CDH13: variants seen among roughly 807,000 people sequenced by gnomAD.
CDH13 encodes the protein cadherin 13.
A neutral mutation model predicts 63.8 loss-of-function variants in CDH13; 24 were observed. The ratio of observed to expected loss-of-function variants is 0.38; its 90% CI spans 0.27 to 0.53. The LOEUF (loss-of-function observed/expected upper bound fraction) is 0.53, where lower values mean the gene tolerates loss of function less well. Ranked by LOEUF, CDH13 falls within the 20% of genes least tolerant of loss-of-function variation. The probability of loss-of-function intolerance (pLI) is 0.85; values close to 1 mark genes in which losing one functional copy is unlikely to be tolerated. For synonymous variants in CDH13, 503 were observed against 355.3 expected, an observed-to-expected ratio of 1.42 and a Z score of -4.67; for missense variants, 1,049 against 903.1, an observed-to-expected ratio of 1.16 and a Z score of -2.07.
intron 7 of CDH13, among the ~76,000 whole-genome samples, chr16:83,566,544 C>A (rs1024407474): frequency 6.6e-6 from 1 of 152,074 alleles, no homozygotes; most frequent in Admixed American, 6.6e-5. Flanking sequence ...CTCTCTCCAT[C>A]CAGGTGCAGC....
intron 3 of CDH13, among the ~76,000 whole-genome samples, chr16:83,041,947 A>G (rs1597206894): frequency 6.6e-6 from 1 of 152,172 alleles, no homozygotes; most frequent in Admixed American, 6.5e-5. Context: ...GTAAGTTGCT[A>G]TCACTTCTAT....
chr16:83,463,759 C>G (rs1445994324), intron 6 of CDH13, among the ~76,000 whole-genome samples: 1 of 152,152 alleles, frequency 6.6e-6, no homozygotes, highest in African/African-American at 2.4e-5. Flanking sequence ...GAGCTATGAT[C>G]ACATCTCTGC....
intron 2 of CDH13, among the ~76,000 whole-genome samples, chr16:82,923,087 A>G (rs1417977908): frequency 6.6e-6 from 1 of 152,232 alleles, no homozygotes; most frequent in Non-Finnish European, 1.5e-5. Context: ...GACTCAAAGA[A>G]CACATGTTTT....
At chr16:83,127,959 C>T (rs1301331906) in intron 4 of CDH13, among the ~76,000 whole-genome samples, 6 of 152,172 alleles carry the variant, frequency 3.9e-5, no homozygotes, top group African/African-American at 1.4e-4. Flanking sequence ...TGATCCTTTT[C>T]TAGACAGGTT....
intron 11 of CDH13, among the ~76,000 whole-genome samples, chr16:83,767,042 C>T (rs1402448691): frequency 2.0e-5 from 3 of 152,142 alleles, no homozygotes; most frequent in Non-Finnish European, 4.4e-5. Context: ...TACCCAGTCT[C>T]GGGCAATTCT....
chr16:83,228,615 C>T (rs189440576), intron 5 of CDH13, among the ~76,000 whole-genome samples: 26 of 152,218 alleles, frequency 1.7e-4, no homozygotes, highest in African/African-American at 5.3e-4. Context: ...GACAGAGACG[C>T]GGACGGGGCA....
intron 3 of CDH13, among the ~76,000 whole-genome samples, chr16:83,078,758 T>A (rs2033028056): frequency 6.6e-6 from 1 of 152,178 alleles, no homozygotes; most frequent in Non-Finnish European, 1.5e-5. Context: ...CTTCCAAGTG[T>A]TTAGCCTCCA....
intron 5 of CDH13, among the ~76,000 whole-genome samples, chr16:83,268,260 T>C (rs1305648555): frequency 1.3e-5 from 2 of 152,164 alleles, no homozygotes; most frequent in Non-Finnish European, 2.9e-5. Flanking sequence ...CTTCACAATA[T>C]GTAGGAGAGG....
rs71146081 is a variant in CDH13 at position 82,627,337 on chromosome 16, CGTGTGTGTGTGTGTGTGTGTGT to C, written c.45+223_45+244del. Reference sequence around the variant, plus strand: ...ACACACAGGCTCCCACTCTGGCGTGCGTGTGTGTGTGTGTGTGTGTGTGTGTGTGTGTGTGTGTGTGTGTACG... The same window carrying C: ...ACACACAGGCTCCCACTCTGGCGTGCGTGTGTGTGTGTGTGTGTGTGTACG... On this transcript the variant is annotated intron_variant, in intron 1 of 13. Transcript: ENST00000567109. Among the ~76,000 whole-genome samples, 7 of 131,254 alleles carry C rather than the reference CGTGTGTGTGTGTGTGTGTGTGT, an allele frequency of 5.3e-5. No homozygotes were observed. The East Asian group carries it at 9.1e-4, about 17-fold the overall frequency. 86.1% of individuals were successfully genotyped at this position (131,254 alleles called of 152,430 possible). A position where few individuals can be genotyped will look rare whatever the true frequency, so the allele number is the denominator to read the frequency against.
chr16:83,463,487 C>T (rs2151528039), intron 6 of CDH13, among the ~76,000 whole-genome samples: 1 of 152,278 alleles, frequency 6.6e-6, no homozygotes, highest in African/African-American at 2.4e-5. Context: ...TACACACAGG[C>T]TCTTGAAGCT....
rs544320314 is a variant in CDH13 at position 83,571,913 on chromosome 16, G to C, written c.961-30541G>C. Among the ~76,000 whole-genome samples, 5 of 152,224 alleles carry C rather than the reference G, an allele frequency of 3.3e-5. No homozygotes were observed. In the East Asian group the frequency reaches 9.7e-4, roughly 30 times the overall value. ...ACAGAACTTAGCAGTCGCTCTGCAT[G>C]GGGACAGATCCTGGCTCTGTCATTT... On this transcript the variant is annotated intron_variant, in intron 7 of 13. Transcript: ENST00000567109.
intron 1 of CDH13, among the ~76,000 whole-genome samples, chr16:82,692,898 C>T (rs1915776902): frequency 6.6e-6 from 1 of 152,164 alleles, no homozygotes. Context: ...TAATCCTCTT[C>T]CCTTGAGGAA....
intron 3 of CDH13, among the ~76,000 whole-genome samples, chr16:83,074,448 C>G (rs948902432): frequency 6.6e-6 from 1 of 152,190 alleles, no homozygotes; most frequent in Admixed American, 6.5e-5. Context: ...GATAGTGCTA[C>G]AATAAACATT....
At chr16:83,475,938 A>G (rs1338180931) in intron 6 of CDH13, among the ~76,000 whole-genome samples, 1 of 152,200 alleles carries the variant, frequency 6.6e-6, no homozygotes, top group African/African-American at 2.4e-5. Context: ...TTAAATAGAT[A>G]TAAATGATAG....
At chr16:83,517,149 G>A (rs2074715351) in intron 7 of CDH13, among the ~76,000 whole-genome samples, 1 of 152,206 alleles carries the variant, frequency 6.6e-6, no homozygotes, top group African/African-American at 2.4e-5. Context: ...ATAAAAGGAA[G>A]CTCAACAGGG....
intron 3 of CDH13, among the ~76,000 whole-genome samples, chr16:83,070,874 T>A (rs2032381340): frequency 8.3e-6 from 1 of 121,116 alleles, no homozygotes; most frequent in South Asian, 3.1e-4. Context: ...CCCCCAAATA[T>A]CAATGACCTA....
At chr16:83,601,876 C>T (rs1049105561) in intron 7 of CDH13, among the ~76,000 whole-genome samples, 1 of 151,826 alleles carries the variant, frequency 6.6e-6, no homozygotes, top group African/African-American at 2.4e-5. Context: ...AGGCAGATCA[C>T]GAGGTCAGGA....
Position 83,047,443 on chromosome 16 carries a change from C to T in CDH13, c.366+15225C>T, listed in dbSNP as rs995930783. The stretch of plus-strand genomic sequence containing the variant: ...AGCCTAGTCTGTAAGAGCGTGACCA[C>T]CAGTCTTATTTACCTTGTTATCTGT... On this transcript the variant is annotated intron_variant, in intron 3 of 13. Coordinates refer to ENST00000567109, the MANE Select transcript of CDH13 (RefSeq NM_001257.5). The surrounding 1 kb of genome is among the most constrained non-coding windows in gnomAD (Gnocchi z 4.9). Among the ~76,000 whole-genome samples the T allele has an allele frequency of 6.6e-6, 1 of 152,098 alleles. No homozygotes were observed. The highest frequency in any genetic ancestry group is 1.5e-5 in the Non-Finnish European group (1 of 68,036).
chr16:83,656,325 G>T (rs924958301), intron 8 of CDH13, among the ~76,000 whole-genome samples: 8 of 152,178 alleles, frequency 5.3e-5, no homozygotes, highest in African/African-American at 1.9e-4. Context: ...GGGGAAAGAT[G>T]AGATTTGTTT....
Sources: gnomAD v4.1 joint callset for allele counts (sites outside exome capture counted in the v4.1 genomes callset) on GRCh38, gnomAD v4.1.1 for gene constraint, Gnocchi (gnomAD v3.1) non-coding constraint, MANE v1.5 for transcripts, NCBI Gene and HGNC (gene_info 2026-07-23, HGNC 2026-07-21) for gene names.